MACROD1: variants seen among roughly 807,000 people sequenced by gnomAD.
MACROD1 encodes the protein mono-ADP ribosylhydrolase 1.
In MACROD1, 31 loss-of-function variants were observed where a neutral mutation model predicts 41.4. The observed-to-expected ratio is 0.75, with a 90% confidence interval of 0.56 to 1.01. The LOEUF (loss-of-function observed/expected upper bound fraction) is 1.01, where lower values mean the gene tolerates loss of function less well. MACROD1 is among the 50% of genes least tolerant of loss of function. The probability of loss-of-function intolerance (pLI) is 0.00; values close to 1 mark genes in which losing one functional copy is unlikely to be tolerated. For synonymous variants in MACROD1, 252 were observed against 203.4 expected, an observed-to-expected ratio of 1.24 and a Z score of -2.03; for missense variants, 473 against 460.0, an observed-to-expected ratio of 1.03 and a Z score of -0.26.
Position 64,083,451 on chromosome 11 carries a change from A to C in MACROD1, c.517+67788T>G, listed in dbSNP as rs527360900. Among the ~76,000 whole-genome samples, 12 of 152,312 alleles carry C rather than the reference A, an allele frequency of 7.9e-5. No homozygotes were observed. In the East Asian group the frequency reaches 9.6e-4, roughly 12 times the overall value. On this transcript the variant is annotated intron_variant, in intron 3 of 10. Coordinates refer to ENST00000255681, the MANE Select transcript of MACROD1 (RefSeq NM_014067.4). ...GCAACACAGTGAGACTCTGTCCCCC[A>C]AAAATAAAAGAAGCAAATGGCAGGA...
chr11:64,095,005 T>A (rs750626270), intron 3 of MACROD1, among the ~76,000 whole-genome samples: 1 of 152,192 alleles, frequency 6.6e-6, no homozygotes, highest in South Asian at 2.1e-4. Flanking sequence ...AGAGCCTCGT[T>A]ATTAACAAAA....
chr11:64,092,442 C>T (rs1190333019), intron 3 of MACROD1, among the ~76,000 whole-genome samples: 1 of 152,192 alleles, frequency 6.6e-6, no homozygotes, highest in Non-Finnish European at 1.5e-5. Flanking sequence ...TGGGGCCTCC[C>T]AGGGGCCTAT....
At chr11:64,065,865 G>A (rs560321759) in intron 3 of MACROD1, among the ~76,000 whole-genome samples, 2 of 151,528 alleles carry the variant, frequency 1.3e-5, no homozygotes, top group Admixed American at 6.6e-5. Flanking sequence ...GTGGGAGATC[G>A]CAACAACCAT....
chr11:64,050,770 CAT>C (rs1296129179), intron 3 of MACROD1, among the ~76,000 whole-genome samples: 5 of 152,260 alleles, frequency 3.3e-5, no homozygotes, highest in Non-Finnish European at 7.3e-5. Flanking sequence ...AGGCGCATGC[CAT>C]AATACCCCGC....
In MACROD1 at chr11:64,015,296, G is replaced by A. The variant is rs967344627; in HGVS notation, c.518-15C>T. 2 of 1,604,544 alleles carry A rather than the reference G, an allele frequency of 1.2e-6. No individual in the cohort carries two copies. Among genetic ancestry groups the A allele is most frequent in the Non-Finnish European group, 1.7e-6 (2 of 1,175,576 alleles). ...GGAGCTGTTGGCTGCAAGAGAGAGA[G>A]ACAAAGGCAGATCAGTGGGGAAGGG... On this transcript the variant is annotated splice_polypyrimidine_tract_variant and intron_variant, in intron 3 of 10. Transcript: ENST00000255681.
Position 64,073,997 on chromosome 11 carries a change from G to A in MACROD1, c.518-58716C>T, listed in dbSNP as rs541669677. Among the ~76,000 whole-genome samples the A allele has an allele frequency of 1.3e-4, 20 of 152,296 alleles. No individual in the cohort carries two copies. In the East Asian group the frequency reaches 1.4e-3, roughly 10 times the overall value. On this transcript the variant is annotated intron_variant, in intron 3 of 10. Transcript: ENST00000255681. ...GGAGGCCCAGGCACAAGGCAGAGGC[G>A]TCTGGCCAGGCCCTGAGTCCCCAGC... is the stretch of plus-strand genomic sequence containing the variant.
At chr11:64,072,263 AG>A (rs1438257586) in intron 3 of MACROD1, among the ~76,000 whole-genome samples, 4 of 152,004 alleles carry the variant, frequency 2.6e-5, no homozygotes, top group African/African-American at 7.3e-5. Flanking sequence ...AGATGGGTAC[AG>A]GGGTGATGCC....
At chr11:64,098,131 T>A (rs582692) in intron 3 of MACROD1, among the ~76,000 whole-genome samples, 26,889 of 152,180 alleles carry the variant, frequency 0.18, 2,939 homozygotes, top group Non-Finnish European at 0.24. Context: ...CAGGTCTCCA[T>A]GCAGCAGCGA....
At position 64,117,996 on chromosome 11, in the gene MACROD1, G is replaced by C. The variant is rs140274429; in HGVS notation, c.517+33243C>G. ...GGTCCTGGGGGCCATCTGCTGGTAC[G>C]TGCACCAGGCTGGCGAGCTGCTGAC... On this transcript the variant is annotated intron_variant, in intron 3 of 10. Transcript: ENST00000255681. The C allele has an allele frequency of 1.4e-5, 22 of 1,613,668 alleles. No homozygotes were observed. Among genetic ancestry groups the C allele is most frequent in the Non-Finnish European group, 1.7e-5 (20 of 1,179,998 alleles).
intron 3 of MACROD1, among the ~76,000 whole-genome samples, chr11:64,073,922 G>C (rs1458683874): frequency 1.3e-5 from 2 of 152,188 alleles, no homozygotes; most frequent in African/African-American, 2.4e-5. Context: ...GGGTTGGTTG[G>C]GCTGAAGGTC....
chr11:64,131,960 C>T (rs974894211), intron 3 of MACROD1, among the ~76,000 whole-genome samples: 19 of 152,302 alleles, frequency 1.2e-4, no homozygotes, highest in Admixed American at 1.2e-3. Flanking sequence ...CTTGACTGAG[C>T]ATCTGCTACA....
intron 3 of MACROD1, among the ~76,000 whole-genome samples, chr11:64,021,655 G>C (rs985859282): frequency 1.3e-5 from 2 of 151,974 alleles, no homozygotes; most frequent in African/African-American, 4.8e-5. Flanking sequence ...CCAGGAGTTG[G>C]GGGGGTGGGG....
Position 64,067,325 on chromosome 11 carries a change from G to A in MACROD1, c.518-52044C>T, listed in dbSNP as rs534285638. On this transcript the variant is annotated intron_variant, in intron 3 of 10. Transcript: ENST00000255681. The surrounding 1 kb of genome is among the most constrained non-coding windows in gnomAD (Gnocchi z 4.6). The stretch of plus-strand genomic sequence containing the variant: ...TCCTCCCCACTGCTCAGCCTCTCCC[G>A]GAGGATGGTGAGGGGGGAATCCATT... Among the ~76,000 whole-genome samples, 3 of 152,298 alleles carry A rather than the reference G, an allele frequency of 2.0e-5. No homozygotes were observed. Among genetic ancestry groups the A allele is most frequent in the Admixed American group, 2.0e-4 (3 of 15,302 alleles).
At chr11:64,061,378 G>A (rs1254254869) in intron 3 of MACROD1, among the ~76,000 whole-genome samples, 1 of 152,190 alleles carries the variant, frequency 6.6e-6, no homozygotes, top group African/African-American at 2.4e-5. Context: ...TGCTAGGCAA[G>A]AGGAATGGGC....
intron 3 of MACROD1, among the ~76,000 whole-genome samples, chr11:64,147,903 GTAT>G (rs1945518179): frequency 6.6e-6 from 1 of 151,540 alleles, no homozygotes; most frequent in African/African-American, 2.4e-5. Flanking sequence ...CCACCATGCC[GTAT>G]TATTTTTTTT....
At chr11:64,156,992 T>C (rs535117263) in intron 1 of MACROD1, among the ~76,000 whole-genome samples, 73 of 152,294 alleles carry the variant, frequency 4.8e-4, no homozygotes, top group African/African-American at 1.7e-3. Flanking sequence ...CTCACCTCCA[T>C]GTCCTCTTAT....
chr11:64,054,643 G>A (rs920317103), intron 3 of MACROD1, among the ~76,000 whole-genome samples: 4 of 152,136 alleles, frequency 2.6e-5, no homozygotes, highest in Non-Finnish European at 5.9e-5. Flanking sequence ...AATGGGTGGA[G>A]TACTTGGTGA....
intron 3 of MACROD1, among the ~76,000 whole-genome samples, chr11:64,123,404 G>A (rs532534436): frequency 6.6e-6 from 1 of 152,274 alleles, no homozygotes; most frequent in East Asian, 1.9e-4. Flanking sequence ...TTACAACCAA[G>A]CAAGTCTGCT....
chr11:64,123,546 T>C (rs1301311533), intron 3 of MACROD1, among the ~76,000 whole-genome samples: 1 of 89,292 alleles, frequency 1.1e-5, no homozygotes, highest in African/African-American at 5.4e-5. Flanking sequence ...GGTGGGGGGG[T>C]TGGGGGTGCA....
Sources: gnomAD v4.1 joint callset for allele counts (sites outside exome capture counted in the v4.1 genomes callset) on GRCh38, gnomAD v4.1.1 for gene constraint, Gnocchi (gnomAD v3.1) non-coding constraint, MANE v1.5 for transcripts, NCBI Gene and HGNC (gene_info 2026-07-23, HGNC 2026-07-21) for gene names.